Variants in MCF2L2 observed in about 807,000 individuals in gnomAD.
MCF2L2 encodes the protein MCF.2 cell line derived transforming sequence-like 2, also known as probable guanine nucleotide exchange factor MCF2L2.
MCF2L2 carries 102 observed loss-of-function variants against 150.2 expected under a neutral mutation model. The ratio of observed to expected loss-of-function variants is 0.68; its 90% CI spans 0.58 to 0.80. The LOEUF is 0.80. Among genes scored for constraint, MCF2L2 ranks in the 30% least tolerant of loss-of-function variants. The pLI is 0.00. For synonymous variants in MCF2L2, 465 were observed against 491.3 expected (o/e 0.95, Z 0.71); for missense variants, 1,256 against 1,372.8 (o/e 0.91, Z 1.34).
At chr3:183,289,375 T>C (rs1279757725) in intron 13 of MCF2L2, among the ~76,000 whole-genome samples, 155 bp from the exon 14 acceptor site, 3 of 152,172 alleles carry the variant, frequency 2.0e-5, no homozygotes, top group Non-Finnish European at 4.4e-5. Context: ...TGGATGAAAT[T>C]GGAGGTGAAG....
At chr3:183,363,269 A>C (rs553888650) in intron 3 of MCF2L2, among the ~76,000 whole-genome samples, 1 of 152,338 alleles carries the variant, frequency 6.6e-6, no homozygotes, top group South Asian at 2.1e-4. Context: ...TTACCATAAC[A>C]AAACTACACA....
At chr3:183,352,159 A>G (rs1711520368) in intron 3 of MCF2L2, among the ~76,000 whole-genome samples, 2 of 152,188 alleles carry the variant, frequency 1.3e-5, no homozygotes, top group African/African-American at 4.8e-5. Flanking sequence ...ATTTTCTTCA[A>G]TGCCTCATCC....
At position 183,231,026 on chromosome 3, in the gene MCF2L2, C is replaced by A. The variant is rs1239510718; in HGVS notation, c.1863-9G>T. 6.2e-7 allele frequency: 1 copy of A among 1,609,506 alleles called. No homozygotes were observed. Among genetic ancestry groups the A allele is most frequent in the South Asian group, 1.1e-5 (1 of 91,010 alleles). ...AGTCACGTATAATGCGCCTGAATCA[C>A]AGCAGCAGGTGGGAGGGTGAAAGAG... On this transcript the variant is annotated splice_polypyrimidine_tract_variant and intron_variant, in intron 15 of 29. Coordinates refer to ENST00000328913, the MANE Select transcript of MCF2L2 (RefSeq NM_015078.4).
intron 25 of MCF2L2, among the ~76,000 whole-genome samples, chr3:183,205,399 A>G (rs1408720704): frequency 1.3e-5 from 2 of 152,188 alleles, no homozygotes; most frequent in African/African-American, 4.8e-5. Flanking sequence ...AAAACAAAAA[A>G]CAAAAGTAAG....
At chr3:183,250,488 G>A (rs1724466165) in intron 15 of MCF2L2, among the ~76,000 whole-genome samples, 1 of 152,006 alleles carries the variant, frequency 6.6e-6, no homozygotes, top group South Asian at 2.1e-4. Context: ...TCGGGAGGCT[G>A]AGGCAGGAGA....
At chr3:183,332,212 ACT>A (rs1429107089) in intron 5 of MCF2L2, among the ~76,000 whole-genome samples, 2 of 152,280 alleles carry the variant, frequency 1.3e-5, no homozygotes, top group South Asian at 4.1e-4. Context: ...ATAACTTCAG[ACT>A]CTGCCGTTTC....
intron 5 of MCF2L2, among the ~76,000 whole-genome samples, chr3:183,331,714 G>A (rs1730278794): frequency 6.6e-6 from 1 of 152,134 alleles, no homozygotes; most frequent in Admixed American, 6.6e-5. Context: ...ATAGGGAAGT[G>A]CCTGGCCAGC....
chr3:183,277,656 AAT>A lies in MCF2L2; in HGVS notation c.1777-701_1777-700del, dbSNP rs779785454. Among the ~76,000 whole-genome samples the A allele has an allele frequency of 1.3e-4, 20 of 148,770 alleles. 1 individual carries two copies. The highest frequency in any genetic ancestry group is 2.5e-4 in the African/African-American group (10 of 40,756). On this transcript the variant is annotated intron_variant, in intron 14 of 29. Transcript: ENST00000328913. ...AACAATATGGCAATCTTATATTCCAAATATATATATATATATTTGTATTTATA... is the reference window on the plus strand; with the variant it reads ...AACAATATGGCAATCTTATATTCCAAATATATATATATATTTGTATTTATA...
At chr3:183,309,539 C>T (rs780646845) in intron 10 of MCF2L2, among the ~76,000 whole-genome samples, 177 bp downstream of exon 10, 13 of 152,050 alleles carry the variant, frequency 8.5e-5, no homozygotes, top group Non-Finnish European at 1.3e-4. Context: ...CTGTGCTGCC[C>T]GTATTATTCA....
intron 13 of MCF2L2, among the ~76,000 whole-genome samples, chr3:183,291,858 G>C (rs1469246137): frequency 6.6e-6 from 1 of 152,198 alleles, no homozygotes; most frequent in Non-Finnish European, 1.5e-5. Context: ...TATTTGAAAA[G>C]CTGAGAAACA....
intron 22 of MCF2L2, among the ~76,000 whole-genome samples, chr3:183,208,980 G>A (rs1474169964): frequency 6.6e-6 from 1 of 152,100 alleles, no homozygotes; most frequent in African/African-American, 2.4e-5. Context: ...TTTCTTCTTT[G>A]GAAAATTTAC....
chr3:183,327,163 A>G (rs112290939), intron 5 of MCF2L2, among the ~76,000 whole-genome samples: 19,411 of 151,898 alleles, frequency 0.13, 1,323 homozygotes, highest in African/African-American at 0.14. Context: ...TGTCTCTACT[A>G]AAAATACAAA....
In MCF2L2 at chr3:183,314,907, CTTTTTTTTTTTTTT is replaced by C. The variant is rs869078971; in HGVS notation, c.753+3147_754-3136del. On this transcript the variant is annotated intron_variant, in intron 7 of 29. Transcript: ENST00000328913. The stretch of plus-strand genomic sequence containing the variant: ...TAAACAGTATCTCTTTTTTTCTTTT[CTTTTTTTTTTTTTT>C]TTTTTTTTTTTTTTTTTTTTTTTTT... Among the ~76,000 whole-genome samples, 19 of 13,808 alleles carry C rather than the reference CTTTTTTTTTTTTTT, an allele frequency of 1.4e-3. 3 individuals are homozygous for C. Among genetic ancestry groups the C allele is most frequent in the African/African-American group, 4.1e-3 (17 of 4,190 alleles). The allele number at this position is 13,808 out of a possible 152,430, so 9.1% of individuals were successfully genotyped here.
At chr3:183,265,495 G>T (rs1260538823) in intron 15 of MCF2L2, 1 of 152,292 alleles carries the variant, frequency 6.6e-6, no homozygotes, top group African/African-American at 2.4e-5. Context: ...GACGCCGAAA[G>T]AAACCAGAAG....
Position 183,299,714 on chromosome 3 carries a change from C to T in MCF2L2, c.1305+291G>A, listed in dbSNP as rs540079695. 5.8e-5 allele frequency: 20 copies of T among 341,916 alleles called. No individual in the cohort carries two copies. In the South Asian group the frequency reaches 6.0e-4, roughly 10 times the overall value. The allele number at this position is 341,916 out of a possible 1,614,324, so 21.2% of individuals were successfully genotyped here. On this transcript the variant is annotated intron_variant, in intron 11 of 29. Transcript: ENST00000328913. ...ACCTGAAAGGGAATCAAGAAGTGTT[C>T]CCACAGGGCCAAGCCAAAACACACT...
chr3:183,179,272 A>C lies in MCF2L2; in HGVS notation c.*108T>G, dbSNP rs1339442121. ...GGTTGTCCCCTTTCTGCCGCCGCCG[A>C]GGCTCCGGCTGCTTTCTGCGTAGCT... On this transcript the variant is annotated 3_prime_UTR_variant, in exon 30 of 30. Coordinates refer to ENST00000328913, the MANE Select transcript of MCF2L2 (RefSeq NM_015078.4). This position sits in a 1 kb window ranked among gnomAD's most constrained non-coding sequence, Gnocchi z 4.2. 3.8e-6 allele frequency: 5 copies of C among 1,332,602 alleles called. No individual in the cohort carries two copies. Among genetic ancestry groups the C allele is most frequent in the African/African-American group, 1.5e-5 (1 of 64,534 alleles). The allele number at this position is 1,332,602 out of a possible 1,614,324, so 82.5% of individuals were successfully genotyped here.
chr3:183,330,820 C>T (rs1413974937), intron 5 of MCF2L2, among the ~76,000 whole-genome samples: 1 of 152,064 alleles, frequency 6.6e-6, no homozygotes, highest in Non-Finnish European at 1.5e-5. Flanking sequence ...TAAAACTGGC[C>T]TTAAAACATT....
intron 1 of MCF2L2, among the ~76,000 whole-genome samples, chr3:183,415,448 A>G (rs978202411): frequency 5.3e-5 from 8 of 152,126 alleles, no homozygotes; most frequent in African/African-American, 1.9e-4. Flanking sequence ...CGGCCTCCCA[A>G]AGTGCTGGGA....
chr3:183,300,887 T>C (rs1015772723), intron 10 of MCF2L2, among the ~76,000 whole-genome samples: 7 of 151,708 alleles, frequency 4.6e-5, no homozygotes, highest in Non-Finnish European at 8.8e-5. Context: ...TGGTGGTAGG[T>C]GTCTGTAATC....
Sources: allele counts gnomAD v4.1 joint callset (sites outside exome capture counted in the v4.1 genomes callset), GRCh38; gene constraint gnomAD v4.1.1; non-coding constraint Gnocchi (gnomAD v3.1); transcripts MANE v1.5; gene names NCBI Gene and HGNC (gene_info 2026-07-23, HGNC 2026-07-21).